The following CRADD variants were observed in gnomAD, a reference collection of about 807,000 sequenced individuals.
CRADD encodes the protein death domain-containing protein CRADD.
A neutral mutation model predicts 15.5 loss-of-function variants in CRADD; 9 were observed. That is an observed-to-expected ratio of 0.58 (90% confidence interval 0.35 to 1.01). The LOEUF (loss-of-function observed/expected upper bound fraction) is 1.01, where lower values mean the gene tolerates loss of function less well. Ranked by LOEUF, CRADD falls within the 50% of genes least tolerant of loss-of-function variation. CRADD has a pLI of 0.02. For synonymous variants in CRADD, 118 were observed against 107.6 expected (o/e 1.10, Z -0.60); for missense variants, 227 against 250.3 (o/e 0.91, Z 0.63).
intron 2 of CRADD, among the ~76,000 whole-genome samples, chr12:93,684,982 C>T (rs919673373): frequency 6.6e-6 from 1 of 152,112 alleles, no homozygotes; most frequent in Admixed American, 6.5e-5. Flanking sequence ...TCTTGTGTGG[C>T]TCGTAGCATG....
intron 2 of CRADD, among the ~76,000 whole-genome samples, chr12:93,740,044 T>C (rs958500348): frequency 7.2e-5 from 11 of 152,142 alleles, no homozygotes; most frequent in Admixed American, 2.6e-4. Context: ...GAAAACATCA[T>C]AAACTAAAAC....
At chr12:93,800,900 C>T (rs938015248) in intron 2 of CRADD, among the ~76,000 whole-genome samples, 1 of 152,200 alleles carries the variant, frequency 6.6e-6, no homozygotes, top group African/African-American at 2.4e-5. Flanking sequence ...CAAAATTAAC[C>T]ATCACATACA....
chr12:93,852,091 G>C (rs1958229302), downstream of CRADD, among the ~76,000 whole-genome samples: 1 of 152,138 alleles, frequency 6.6e-6, no homozygotes, highest in South Asian at 2.1e-4. Context: ...CATGCTTTTG[G>C]CCATATCACT....
intron 2 of CRADD, among the ~76,000 whole-genome samples, chr12:93,793,524 C>CAT (rs1957376043): frequency 6.6e-6 from 1 of 152,154 alleles, no homozygotes; most frequent in Non-Finnish European, 1.5e-5. Flanking sequence ...TTATTAAAGA[C>CAT]AGTCTGCTAA....
intron 2 of CRADD, among the ~76,000 whole-genome samples, chr12:93,822,075 G>T (rs972792880): frequency 1.3e-5 from 2 of 150,454 alleles, no homozygotes; most frequent in East Asian, 2.0e-4. Context: ...CCGAGATTGC[G>T]CCACTGCACT....
At chr12:93,882,230 G>A (rs1314735660) in intron 2 of CRADD, among the ~76,000 whole-genome samples, 1 of 151,704 alleles carries the variant, frequency 6.6e-6, no homozygotes, top group Non-Finnish European at 1.5e-5. Context: ...GACCAGCCTG[G>A]TCAACATGGT....
intron 2 of CRADD, among the ~76,000 whole-genome samples, chr12:93,801,323 A>G (rs1957474303): frequency 6.6e-6 from 1 of 152,194 alleles, no homozygotes; most frequent in Non-Finnish European, 1.5e-5. Flanking sequence ...ATTAGCTGGT[A>G]TTGATCTCTG....
At chr12:93,831,677 AC>A (rs1274181052) in intron 2 of CRADD, among the ~76,000 whole-genome samples, 3 of 152,270 alleles carry the variant, frequency 2.0e-5, no homozygotes, top group Non-Finnish European at 4.4e-5. Context: ...CAAGAAAGAT[AC>A]AGCTCTCATC....
intron 2 of CRADD, among the ~76,000 whole-genome samples, chr12:93,844,191 C>T (rs148611942): frequency 3.9e-5 from 6 of 152,168 alleles, no homozygotes; most frequent in East Asian, 3.9e-4. Context: ...TCTTGCACTC[C>T]GCTAGTGGCA....
At chr12:93,880,230 GA>G (rs1958487294) in intron 2 of CRADD, among the ~76,000 whole-genome samples, 1 of 152,160 alleles carries the variant, frequency 6.6e-6, no homozygotes, top group African/African-American at 2.4e-5. Context: ...CTGGGATCTG[GA>G]AAGGAGAAAG....
intron 2 of CRADD, among the ~76,000 whole-genome samples, chr12:93,875,251 G>GTT (rs34243602): frequency 1.4e-4 from 21 of 151,406 alleles, no homozygotes; most frequent in Middle Eastern, 3.4e-3. Flanking sequence ...GCTGATTTTT[G>GTT]TTTTTTTTCC....
chr12:93,733,403 G>A (rs75126101), intron 2 of CRADD, among the ~76,000 whole-genome samples: 3,151 of 152,270 alleles, frequency 0.021, 83 homozygotes, highest in East Asian at 0.097. Flanking sequence ...TTTGGGGTGC[G>A]TGTCAGAGAC....
In CRADD at chr12:93,829,825, T is replaced by C. The variant is rs564075651; in HGVS notation, c.299-20145T>C. Among the ~76,000 whole-genome samples the C allele has an allele frequency of 8.5e-4, 129 of 152,200 alleles. 1 individual carries two copies. The highest frequency in any genetic ancestry group is 3.0e-3 in the African/African-American group (125 of 41,518). ...CTCATGCCTCAGGCTCCTGAGTAGC[T>C]GGGATTACAGGTGCCCGCCACCACA... On this transcript the variant is annotated intron_variant, in intron 2 of 2. Coordinates refer to ENST00000332896, the MANE Select transcript of CRADD (RefSeq NM_003805.5).
At chr12:93,879,831 G>A (rs962883102) in intron 2 of CRADD, among the ~76,000 whole-genome samples, 1 of 152,178 alleles carries the variant, frequency 6.6e-6, no homozygotes, top group African/African-American at 2.4e-5. Context: ...GGAGAGGTGG[G>A]GCACTGGCCT....
In CRADD at chr12:93,725,070, C is replaced by T. The variant is rs111894019; in HGVS notation, c.298+45998C>T. 4.3e-3 allele frequency among the ~76,000 whole-genome samples: 661 copies of T among 152,228 alleles called. 6 individuals are homozygous for T. Among genetic ancestry groups the T allele is most frequent in the Middle Eastern group, 0.01 (3 of 294 alleles). The stretch of plus-strand genomic sequence containing the variant: ...AGAGGCGGGGTTTCATCGTGTTAGC[C>T]AGGATGGTCTCGATCTCCTGACCTC... On this transcript the variant is annotated intron_variant, in intron 2 of 2. Transcript: ENST00000332896.
chr12:93,751,910 A>G (rs1321113861), intron 2 of CRADD, among the ~76,000 whole-genome samples: 4 of 152,224 alleles, frequency 2.6e-5, no homozygotes, highest in African/African-American at 9.6e-5. Flanking sequence ...TCCTTTCAGG[A>G]TAGCTCTGGA....
intron 2 of CRADD, among the ~76,000 whole-genome samples, chr12:93,811,053 C>T (rs1957620786): frequency 6.6e-6 from 1 of 152,238 alleles, no homozygotes; most frequent in South Asian, 2.1e-4. Context: ...TCCCTTAGCC[C>T]CCCCTCCTGG....
At chr12:93,795,087 G>A (rs1195800616) in intron 2 of CRADD, among the ~76,000 whole-genome samples, 1 of 152,116 alleles carries the variant, frequency 6.6e-6, no homozygotes, top group Non-Finnish European at 1.5e-5. Context: ...TTGTGTTTAT[G>A]TATTATTTTT....
intron 2 of CRADD, among the ~76,000 whole-genome samples, chr12:93,767,270 T>C (rs1957036223): frequency 6.6e-6 from 1 of 152,268 alleles, no homozygotes; most frequent in Non-Finnish European, 1.5e-5. Flanking sequence ...TTCATTTCTA[T>C]TCTTCACTTC....
Sources: gnomAD v4.1 joint callset for allele counts (sites outside exome capture counted in the v4.1 genomes callset) on GRCh38, gnomAD v4.1.1 for gene constraint, MANE v1.5 for transcripts, NCBI Gene and HGNC (gene_info 2026-07-23, HGNC 2026-07-21) for gene names.